The following HSD17B12 variants were observed in gnomAD, a reference collection of about 807,000 sequenced individuals.
The protein encoded by HSD17B12 is hydroxysteroid 17-beta dehydrogenase 12, also known as very-long-chain 3-oxoacyl-CoA reductase.
A neutral mutation model predicts 39.3 loss-of-function variants in HSD17B12; 32 were observed. That is an observed-to-expected ratio of 0.81 (90% confidence interval 0.61 to 1.09). The LOEUF (loss-of-function observed/expected upper bound fraction) is 1.09, where lower values mean the gene tolerates loss of function less well. HSD17B12 is among the 50% of genes least tolerant of loss of function. HSD17B12 has a pLI of 0.00. For synonymous variants in HSD17B12, 150 were observed against 146.7 expected (o/e 1.02, Z -0.16); for missense variants, 342 against 382.9 (o/e 0.89, Z 0.89).
At chr11:43,651,495 T>TA in the HSD17B12 span, among the ~76,000 whole-genome samples, 1 of 152,366 alleles carries the variant, frequency 6.6e-6, no homozygotes, top group Admixed American at 6.5e-5. Context: ...ATGGCCATTA[T>TA]AAAGTACAGT....
the HSD17B12 span, among the ~76,000 whole-genome samples, chr11:43,588,594 CTAT>C: frequency 1.5e-5 from 2 of 135,466 alleles, no homozygotes; most frequent in Non-Finnish European, 3.3e-5. Flanking sequence ...AAAATGTTAG[CTAT>C]TATTATTATT....
chr11:43,711,880 G>C (rs1950069615), intron 1 of HSD17B12, among the ~76,000 whole-genome samples: 2 of 152,080 alleles, frequency 1.3e-5, no homozygotes, highest in South Asian at 4.1e-4. Flanking sequence ...TGATGATAAA[G>C]ATATACATTG....
At chr11:43,635,970 T>C in the HSD17B12 span, among the ~76,000 whole-genome samples, 1 of 152,196 alleles carries the variant, frequency 6.6e-6, no homozygotes, top group Non-Finnish European at 1.5e-5. Context: ...CTTGTTTCTA[T>C]GTAGTATTCT....
chr11:43,655,523 TATG>T, the HSD17B12 span, among the ~76,000 whole-genome samples: 1 of 152,324 alleles, frequency 6.6e-6, no homozygotes, highest in Non-Finnish European at 1.5e-5. Context: ...GCCCATTCAG[TATG>T]ATATTGGCTG....
intron 1 of HSD17B12, among the ~76,000 whole-genome samples, chr11:43,736,738 T>C (rs1043397749): frequency 1.3e-5 from 2 of 152,234 alleles, no homozygotes; most frequent in African/African-American, 4.8e-5. Flanking sequence ...AAGTTGCTGC[T>C]GTTTTATTAA....
At chr11:43,796,320 T>G (rs1221950376) in intron 3 of HSD17B12, among the ~76,000 whole-genome samples, 3 of 151,908 alleles carry the variant, frequency 2.0e-5, no homozygotes, top group African/African-American at 7.3e-5. Flanking sequence ...TAAGGAGGCT[T>G]AAGCCCAGGC....
chr11:43,784,135 A>G (rs1244917251), intron 3 of HSD17B12, among the ~76,000 whole-genome samples: 1 of 152,122 alleles, frequency 6.6e-6, no homozygotes, highest in Non-Finnish European at 1.5e-5. Context: ...TTAAGGGCTT[A>G]CAACTCCTAA....
intron 1 of HSD17B12, among the ~76,000 whole-genome samples, chr11:43,727,123 C>T (rs6485453): frequency 0.51 from 78,119 of 151,986 alleles, 20,631 homozygotes; most frequent in African/African-American, 0.56. Flanking sequence ...AACAAGACAA[C>T]TGTATACTCA....
intron 1 of HSD17B12, chr11:43,734,290 AGAAGCCGTG>A: frequency 8.1e-7 from 1 of 1,233,822 alleles, no homozygotes; most frequent in South Asian, 1.2e-5. Flanking sequence ...AGGAGTTCAC[AGAAGCCGTG>A]GAAGCCAAAA....
At chr11:43,801,595 G>GATATATATATATATAT (rs55674379) in intron 4 of HSD17B12, among the ~76,000 whole-genome samples, 26 of 72,720 alleles carry the variant, frequency 3.6e-4, no homozygotes, top group South Asian at 1.5e-3. Context: ...GATAGTTGGA[G>GATATATATATATATAT]ATATATATAT....
At chr11:43,757,216 C>A (rs1021193915) in intron 3 of HSD17B12, among the ~76,000 whole-genome samples, 2 of 152,138 alleles carry the variant, frequency 1.3e-5, no homozygotes, top group Non-Finnish European at 2.9e-5. Context: ...TTTGATTATA[C>A]CTTTAACACA....
At chr11:43,747,784 G>A (rs1016438880) in intron 1 of HSD17B12, among the ~76,000 whole-genome samples, 3 of 152,174 alleles carry the variant, frequency 2.0e-5, no homozygotes, top group African/African-American at 4.8e-5. Context: ...TGCCCTGAAC[G>A]TCTGCTTCTT....
intron 3 of HSD17B12, among the ~76,000 whole-genome samples, chr11:43,795,966 G>A (rs1320430734): frequency 6.6e-6 from 1 of 152,090 alleles, no homozygotes; most frequent in African/African-American, 2.4e-5. Context: ...CTCTGAGAAG[G>A]TAACATTTGC....
At chr11:43,688,430 C>G (rs902932043) in intron 1 of HSD17B12, among the ~76,000 whole-genome samples, 2 of 152,112 alleles carry the variant, frequency 1.3e-5, no homozygotes, top group Non-Finnish European at 2.9e-5. Context: ...CATGGTAACT[C>G]CATAATACCA....
rs562275505 is a variant in HSD17B12, at chr11:43,765,982, C to T, written c.283+11861C>T. 2.8e-4 allele frequency among the ~76,000 whole-genome samples: 43 copies of T among 152,234 alleles called. No individual in the cohort carries two copies. The South Asian group carries it at 6.6e-3, about 24-fold the overall frequency. ...CCGCCACTACAGGCGCCCGCCACTG[C>T]GCCCGGCTAATTTTTTGTATTTTTA... On this transcript the variant is annotated intron_variant, in intron 3 of 10. Transcript: ENST00000278353.
chr11:43,778,354 A>G (rs1389696897), intron 3 of HSD17B12, among the ~76,000 whole-genome samples: 2 of 152,352 alleles, frequency 1.3e-5, no homozygotes, highest in East Asian at 1.9e-4. Flanking sequence ...TAGCTTACCA[A>G]CCAAAAGGAG....
intron 10 of HSD17B12, 24 bp downstream of exon 10, chr11:43,854,888 A>T: frequency 6.2e-7 from 1 of 1,610,684 alleles, no homozygotes; most frequent in South Asian, 1.1e-5. Context: ...TTGAATCACA[A>T]ATCAATACTT....
intron 3 of HSD17B12, among the ~76,000 whole-genome samples, chr11:43,790,288 G>A (rs1356358123): frequency 6.6e-6 from 1 of 152,190 alleles, no homozygotes; most frequent in Admixed American, 6.5e-5. Context: ...ATCACTTTTT[G>A]AAGCAGAGTC....
intron 1 of HSD17B12, among the ~76,000 whole-genome samples, chr11:43,741,285 T>G (rs1950362173): frequency 6.6e-6 from 1 of 152,202 alleles, no homozygotes. Flanking sequence ...AATCAAGTAA[T>G]CAAGTTTTCT....
Sources: gnomAD v4.1 joint callset for allele counts (sites outside exome capture counted in the v4.1 genomes callset) on GRCh38, gnomAD v4.1.1 for gene constraint, MANE v1.5 for transcripts, NCBI Gene and HGNC (gene_info 2026-07-23, HGNC 2026-07-21) for gene names.